Variants in GABRP observed in about 807,000 individuals in gnomAD.
GABRP encodes the protein gamma-aminobutyric acid receptor subunit pi.
GABRP carries 52 observed loss-of-function variants against 47.8 expected under a neutral mutation model. The ratio of observed to expected loss-of-function variants is 1.09; its 90% CI spans 0.87 to 1.37. The LOEUF (loss-of-function observed/expected upper bound fraction) is 1.37. GABRP is among the 40% of genes most tolerant of loss of function. The pLI is 0.00. For missense variants in GABRP, 525 were observed against 542.8 expected (o/e 0.97, Z 0.33); for synonymous variants, 221 against 205.8 (o/e 1.07, Z -0.63).
intron 6 of GABRP, among the ~76,000 whole-genome samples, chr5:170,803,257 A>C (rs1012254090): frequency 5.3e-5 from 8 of 152,186 alleles, no homozygotes; most frequent in African/African-American, 1.9e-4. Flanking sequence ...ATACTGTGAG[A>C]CTTAACAAAA....
intron 7 of GABRP, 87 bp downstream of exon 7, chr5:170,805,940 C>T (rs932421822): frequency 6.9e-7 from 1 of 1,440,042 alleles, no homozygotes; most frequent in Non-Finnish European, 9.5e-7. Context: ...CGTCTTCTCA[C>T]TTTACCTCCT....
chr5:170,794,454 A>G (rs749910416), intron 4 of GABRP, 156 bp downstream of exon 4: 118 of 446,542 alleles, frequency 2.6e-4, no homozygotes, highest in Non-Finnish European at 4.3e-4. Context: ...CTATCTCCAA[A>G]CTCAAGACAG....
At chr5:170,811,870 C>A in intron 9 of GABRP, 86 bp from the exon 10 acceptor site, 1 of 1,211,254 alleles carries the variant, frequency 8.3e-7, no homozygotes, top group South Asian at 1.4e-5. Context: ...AACACTTAGG[C>A]CTCTAAACTT....
chr5:170,795,051 T>C (rs1247956563), intron 4 of GABRP, among the ~76,000 whole-genome samples, 157 bp from the exon 5 acceptor site: 2 of 147,662 alleles, frequency 1.4e-5, no homozygotes, highest in Non-Finnish European at 3.0e-5. Flanking sequence ...TAGTGGCATA[T>C]TGCAATTAGA....
Position 170,788,582 on chromosome 5 carries a change from T to A in GABRP, c.-34T>A, listed in dbSNP as rs1256497522. 5.0e-6 allele frequency: 8 copies of A among 1,612,872 alleles called. No homozygotes were observed. The highest frequency in any genetic ancestry group is 8.5e-7 in the Non-Finnish European group (1 of 1,179,018). On this transcript the variant is annotated 5_prime_UTR_variant, in exon 2 of 10. Coordinates refer to ENST00000265294, the MANE Select transcript of GABRP (RefSeq NM_014211.3). ...TGCCCCCTGTTTCCCAGGTGATTCC[T>A]ACTTCAGCCCCTTGGTGTGAGCAGC... is the stretch of plus-strand genomic sequence containing the variant.
chr5:170,803,187 C>T (rs1255213816), intron 6 of GABRP, among the ~76,000 whole-genome samples: 2 of 152,174 alleles, frequency 1.3e-5, no homozygotes, highest in East Asian at 1.9e-4. Context: ...CCTAAGAGTT[C>T]ATGGCTATAT....
At chr5:170,785,080 T>C (rs751458238) in intron 1 of GABRP, among the ~76,000 whole-genome samples, 2 of 152,214 alleles carry the variant, frequency 1.3e-5, no homozygotes, top group Non-Finnish European at 2.9e-5. Flanking sequence ...TGAGCCTCCA[T>C]TGAGGCTGGC....
Position 170,795,063 on chromosome 5 carries a change from T to C in GABRP, c.241-145T>C, listed in dbSNP as rs1331521193. 6 of 679,262 alleles carry C rather than the reference T, an allele frequency of 8.8e-6. No homozygotes were observed. The South Asian group carries it at 1.0e-4, about 11-fold the overall frequency. 42.1% of individuals were successfully genotyped at this position (679,262 alleles called of 1,614,324 possible). On this transcript the variant is annotated intron_variant, in intron 4 of 9. Transcript: ENST00000265294. ...GGGTAGTGGCATATTGCAATTAGAATGGTAACTTTATTCACCAAAGTCTGT... is the reference window on the plus strand; with the variant it reads ...GGGTAGTGGCATATTGCAATTAGAACGGTAACTTTATTCACCAAAGTCTGT...
intron 9 of GABRP, among the ~76,000 whole-genome samples, chr5:170,810,762 A>T (rs1765861321): frequency 6.6e-6 from 1 of 152,180 alleles, no homozygotes. Context: ...CCAAAGATCC[A>T]GTTGCTTTTT....
intron 5 of GABRP, 116 bp from the exon 6 acceptor site, chr5:170,797,350 C>A: frequency 1.4e-6 from 1 of 703,366 alleles, no homozygotes; most frequent in Non-Finnish European, 2.6e-6. Context: ...AGACTCCAAG[C>A]TACATGTTCA....
chr5:170,803,086 T>C (rs1363156124), intron 6 of GABRP, among the ~76,000 whole-genome samples: 1 of 152,134 alleles, frequency 6.6e-6, no homozygotes, highest in African/African-American at 2.4e-5. Flanking sequence ...TTTTTTAATG[T>C]GGGATGGTAG....
Position 170,812,589 on chromosome 5 carries a change from AAG to A in GABRP, c.*332_*333del. ...GCATTTACCTCATATAAAGAATGGGAAGGAGACCATTGGGTAACCCTCAAGTG... is the reference window on the plus strand; with the variant it reads ...GCATTTACCTCATATAAAGAATGGGAGAGACCATTGGGTAACCCTCAAGTG... On this transcript the variant is annotated 3_prime_UTR_variant, in exon 10 of 10. Transcript: ENST00000265294. The A allele has an allele frequency of 4.4e-6, 1 of 226,540 alleles. No homozygotes were observed. The highest frequency in any genetic ancestry group is 8.8e-6 in the Non-Finnish European group (1 of 113,846). The allele number at this position is 226,540 out of a possible 1,614,324, so 14.0% of individuals were successfully genotyped here. A position where few individuals can be genotyped will look rare whatever the true frequency, so the allele number is the denominator to read the frequency against.
chr5:170,812,764 A>C lies in GABRP; in HGVS notation c.*506A>C, dbSNP rs1264040569. The C allele has an allele frequency of 6.5e-6, 1 of 153,516 alleles. No homozygotes were observed. The highest frequency in any genetic ancestry group is 2.4e-5 in the African/African-American group (1 of 41,438). The allele number at this position is 153,516 out of a possible 1,614,324, so 9.5% of individuals were successfully genotyped here. On this transcript the variant is annotated 3_prime_UTR_variant, in exon 10 of 10. Coordinates refer to ENST00000265294, the MANE Select transcript of GABRP (RefSeq NM_014211.3). ...ATATGGGCTTATGTCAATTCATTGG[A>C]AGTCAATGCACTAACTCAATACCAA... is the stretch of plus-strand genomic sequence containing the variant.
chr5:170,789,039 C>T (rs530841054), intron 2 of GABRP, 90 bp from the exon 3 acceptor site: 2 of 958,792 alleles, frequency 2.1e-6, no homozygotes, highest in South Asian at 1.5e-5. Context: ...TACACCCACA[C>T]ACACGTGGGC....
intron 8 of GABRP, among the ~76,000 whole-genome samples, chr5:170,809,016 A>C (rs1765813745): frequency 6.6e-6 from 1 of 151,902 alleles, no homozygotes; most frequent in Non-Finnish European, 1.5e-5. Context: ...GGCTCACTGC[A>C]ACCTCTGCCT....
At chr5:170,800,828 C>A (rs370804115) in intron 6 of GABRP, among the ~76,000 whole-genome samples, 21 of 152,264 alleles carry the variant, frequency 1.4e-4, no homozygotes, top group African/African-American at 4.8e-4. Context: ...TGACTGTAAT[C>A]CCAGCTACTT....
intron 6 of GABRP, among the ~76,000 whole-genome samples, chr5:170,798,971 C>T (rs1179106193): frequency 6.7e-6 from 1 of 149,084 alleles, no homozygotes; most frequent in Non-Finnish European, 1.5e-5. Flanking sequence ...CTGTGTTCCC[C>T]TTCCTGTGTC....
In GABRP at chr5:170,797,006, T is replaced by C. The variant is rs554131237; in HGVS notation, c.459-460T>C. 3.3e-5 allele frequency among the ~76,000 whole-genome samples: 5 copies of C among 152,262 alleles called. No homozygotes were observed. In the South Asian group the frequency reaches 1.0e-3, roughly 32 times the overall value. The stretch of plus-strand genomic sequence containing the variant: ...GTTCCCATGAGGAGGCAGGGCCTCA[T>C]GAGAAGAGCACAGCCAGGAGACCTA... On this transcript the variant is annotated intron_variant, in intron 5 of 9. Coordinates refer to ENST00000265294, the MANE Select transcript of GABRP (RefSeq NM_014211.3).
upstream of GABRP, chr5:170,783,620 C>T (rs1471199547): frequency 7.5e-6 from 1 of 132,528 alleles, no homozygotes; most frequent in Non-Finnish European, 1.7e-5. Flanking sequence ...TCTCCAGACA[C>T]TCAGGACAAG....
Sources: allele counts gnomAD v4.1 joint callset (sites outside exome capture counted in the v4.1 genomes callset), GRCh38; gene constraint gnomAD v4.1.1; transcripts MANE v1.5; gene names NCBI Gene and HGNC (gene_info 2026-07-23, HGNC 2026-07-21).